The following VWF variants were observed in gnomAD, a reference collection of about 807,000 sequenced individuals.
VWF encodes the protein von Willebrand factor.
Under a neutral mutation model 308.6 loss-of-function variants are expected in VWF, and 176 were observed. That is an observed-to-expected ratio of 0.57 (90% CI 0.50 to 0.65). The LOEUF (loss-of-function observed/expected upper bound fraction) is 0.65, where lower values mean the gene tolerates loss of function less well. Ranked by LOEUF, VWF falls within the 30% of genes least tolerant of loss-of-function variation. The pLI is 0.00. For synonymous variants in VWF, 1,385 were observed against 1,443.4 expected (o/e 0.96, Z 0.92); for missense variants, 3,146 against 3,648.2 (o/e 0.86, Z 3.55).
intron 3 of VWF, among the ~76,000 whole-genome samples, chr12:6,117,671 A>C (rs1006025358): frequency 5.3e-5 from 8 of 152,108 alleles, no homozygotes; most frequent in Non-Finnish European, 8.8e-5. Context: ...CAAAATTAGC[A>C]GGGTGTGGTG....
rs552464208 is a variant in VWF at position 6,016,810 on chromosome 12, G to A, written c.5114C>T (p.Ser1705Phe). The change falls in exon 29 of 52, where the codon TCT (serine) becomes TTT (phenylalanine). Residue 1705 changes from serine (S) to phenylalanine (F), a missense_variant. Physicochemically the swap from Ser to Phe is radical, Grantham distance 155. Around this residue, in one of 3 missense-constraint regions of VWF, gnomAD observed 853 missense variants for 1,177.8 expected, o/e 0.72. Transcript: ENST00000261405. The part of the protein sequence containing the change: ...LLDGSSSFPA[S>F]YFDEMKSFAK... ...GAAACTCTTCATTTCATCAAAATAA[G>A]AAGCTGGGAAACTGGAGGAGCCATC... is the stretch of plus-strand genomic sequence containing the variant. 1 of 1,614,110 alleles carries A rather than the reference G, an allele frequency of 6.2e-7. No homozygotes were observed. Among genetic ancestry groups the A allele is most frequent in the South Asian group, 1.1e-5 (1 of 91,086 alleles).
chr12:6,036,309 G>A (rs1398485019), intron 19 of VWF, 79 bp downstream of exon 19: 32 of 1,307,204 alleles, frequency 2.4e-5, no homozygotes, highest in South Asian at 1.5e-4. Context: ...AGGCAAGTGC[G>A]GAAGGTCCTG....
Position 6,095,198 on chromosome 12 carries a change from A to T in VWF, c.657+262T>A, listed in dbSNP as rs142669924. 1.2e-5 allele frequency: 6 copies of T among 490,896 alleles called. No homozygotes were observed. The East Asian group carries it at 2.5e-4, about 20-fold the overall frequency. The allele number at this position is 490,896 out of a possible 1,614,324, so 30.4% of individuals were successfully genotyped here. ...CTATAAAAGATAATTTATGTTCCTT[A>T]AAATTACCCAGTCTCAGGCATTTGT... On this transcript the variant is annotated intron_variant, in intron 6 of 51. Coordinates refer to ENST00000261405, the MANE Select transcript of VWF (RefSeq NM_000552.5).
intron 45 of VWF, among the ~76,000 whole-genome samples, chr12:5,968,986 C>G (rs548783196): frequency 6.6e-6 from 1 of 152,304 alleles, no homozygotes; most frequent in South Asian, 2.1e-4. Flanking sequence ...ATCAGAGAAG[C>G]CTAGGGCCGA....
At chr12:6,026,999 C>T (rs1944200955) in intron 22 of VWF, among the ~76,000 whole-genome samples, 1 of 148,366 alleles carries the variant, frequency 6.7e-6, no homozygotes, top group Admixed American at 6.7e-5. Context: ...TACTTAGAGC[C>T]CTGATGTTGA....
chr12:5,964,282 A>ACATACATG (rs1269684878), intron 47 of VWF, among the ~76,000 whole-genome samples: 34 of 143,362 alleles, frequency 2.4e-4, no homozygotes, highest in African/African-American at 1.0e-3. Flanking sequence ...ATGCATACAT[A>ACATACATG]CATGCATACA....
At chr12:6,056,191 T>C (rs1431863226) in intron 15 of VWF, among the ~76,000 whole-genome samples, 1 of 147,520 alleles carries the variant, frequency 6.8e-6, no homozygotes, top group Non-Finnish European at 1.5e-5. Context: ...TCTGTGACTC[T>C]AACAGTAAGT....
chr12:5,967,432 TGGGTCCCACACGC>T lies in VWF; in HGVS notation c.7887+41_7887+53del, dbSNP rs1943415764. On this transcript the variant is annotated intron_variant, in intron 47 of 51. Coordinates refer to ENST00000261405, the MANE Select transcript of VWF (RefSeq NM_000552.5). ...AAGACCGCAGTGAGGTCCCACTGCC[TGGGTCCCACACGC>T]GTCCAGTCCATGCCCTCGGTCCCCA... is the stretch of plus-strand genomic sequence containing the variant. 116 of 1,475,464 alleles carry T rather than the reference TGGGTCCCACACGC, an allele frequency of 7.9e-5. 1 individual carries two copies. The South Asian group carries it at 1.3e-3, about 16-fold the overall frequency. 91.4% of individuals were successfully genotyped at this position (1,475,464 alleles called of 1,614,324 possible). A position where few individuals can be genotyped will look rare whatever the true frequency, so the allele number is the denominator to read the frequency against.
chr12:5,957,041 A>AT (rs1163634160), intron 47 of VWF, among the ~76,000 whole-genome samples: 3 of 151,990 alleles, frequency 2.0e-5, no homozygotes, highest in Non-Finnish European at 4.4e-5. Context: ...TCCTTTATAT[A>AT]TTTTTTACTG....
chr12:6,123,443 A>G (rs910813944), intron 1 of VWF, among the ~76,000 whole-genome samples: 1 of 152,180 alleles, frequency 6.6e-6, no homozygotes, highest in Non-Finnish European at 1.5e-5. Flanking sequence ...CACAGACAGC[A>G]GTCCCAGGCC....
chr12:6,002,649 A>G (rs1035862467), intron 34 of VWF, among the ~76,000 whole-genome samples: 1 of 152,092 alleles, frequency 6.6e-6, no homozygotes, highest in Non-Finnish European at 1.5e-5. Context: ...AGAGTAAGTT[A>G]GTAGGAATTA....
intron 38 of VWF, among the ~76,000 whole-genome samples, chr12:5,986,641 C>T (rs541011): frequency 0.83 from 126,630 of 151,750 alleles, 53,334 homozygotes; most frequent in East Asian, 0.92. Flanking sequence ...TCAGGATTAA[C>T]CCCTCTGGTC....
At chr12:5,966,567 C>T (rs1304181553) in intron 47 of VWF, among the ~76,000 whole-genome samples, 2 of 152,126 alleles carry the variant, frequency 1.3e-5, no homozygotes, top group South Asian at 2.1e-4. Flanking sequence ...CAGTGTAAAA[C>T]GCACCTGCAC....
In VWF at chr12:5,985,679, G is replaced by A. The variant is rs177702; in HGVS notation, c.6799-14C>T. The A allele has an allele frequency of 0.79, 1,267,681 of 1,612,346 alleles. 500,481 individuals are homozygous for A. The highest frequency in any genetic ancestry group is 0.85 in the Admixed American group (51,176 of 59,992). On this transcript the variant is annotated splice_polypyrimidine_tract_variant and intron_variant, in intron 38 of 51. Coordinates refer to ENST00000261405, the MANE Select transcript of VWF (RefSeq NM_000552.5). ...GGCTTCCAGGAACTGAGGGCAAAGC[G>A]AGGTTCAGAAAGGGCACAGGACATT... is the stretch of plus-strand genomic sequence containing the variant.
At position 5,992,022 on chromosome 12, in the gene VWF, T is replaced by TA. The variant is rs768221292; in HGVS notation, c.6599-5dup. On this transcript the variant is annotated splice_polypyrimidine_tract_variant and splice_region_variant and intron_variant, in intron 37 of 51. Coordinates refer to ENST00000261405, the MANE Select transcript of VWF (RefSeq NM_000552.5). The stretch of plus-strand genomic sequence containing the variant: ...AGAGATGGTGGGCATGACATAGCTG[T>TA]AGACAGAGAAGGAGGTCACTTGCAA... 5 of 1,613,830 alleles carry TA rather than the reference T, an allele frequency of 3.1e-6. No homozygotes were observed. The highest frequency in any genetic ancestry group is 3.4e-6 in the Non-Finnish European group (4 of 1,179,952).
At chr12:6,010,659 T>C (rs1943983596) in intron 34 of VWF, among the ~76,000 whole-genome samples, 1 of 152,220 alleles carries the variant, frequency 6.6e-6, no homozygotes, top group Non-Finnish European at 1.5e-5. Flanking sequence ...TGGTACACAG[T>C]GAAGTATTAG....
intron 3 of VWF, among the ~76,000 whole-genome samples, chr12:6,120,148 T>C (rs1160897606): frequency 1.3e-5 from 2 of 152,166 alleles, no homozygotes; most frequent in African/African-American, 2.4e-5. Context: ...CGCTGACTGA[T>C]GGAGCAATGA....
At position 6,029,470 on chromosome 12, in the gene VWF, TG is replaced by T; in HGVS notation, c.2838del (p.Met947Ter). On this transcript the variant is annotated frameshift_variant, in exon 22 of 52. Coordinates refer to ENST00000261405, the MANE Select transcript of VWF (RefSeq NM_000552.5). LOFTEE classifies it high-confidence loss of function. ...LFDGEVNVKR[P>X]MKDETHFEVV... is the part of the protein sequence containing the mutation. Reference sequence around the variant, plus strand: ...ACCTCAAAGTGAGTCTCATCCTTCATGGGCCTCTTCACATTCACCTGGAGGA... The same window carrying T: ...ACCTCAAAGTGAGTCTCATCCTTCATGGCCTCTTCACATTCACCTGGAGGA... The T allele has an allele frequency of 6.2e-7, 1 of 1,614,100 alleles. No homozygotes were observed. The highest frequency in any genetic ancestry group is 2.2e-5 in the East Asian group (1 of 44,870).
At chr12:5,954,237 T>C (rs924894296) in intron 47 of VWF, among the ~76,000 whole-genome samples, 13 of 152,208 alleles carry the variant, frequency 8.5e-5, no homozygotes, top group African/African-American at 3.1e-4. Flanking sequence ...AGAATGACCT[T>C]CTTAAAGCCT....
Sources: allele counts gnomAD v4.1 joint callset (sites outside exome capture counted in the v4.1 genomes callset), GRCh38; gene constraint gnomAD v4.1.1; regional missense constraint gnomAD v4.1.1; transcripts MANE v1.5; gene names NCBI Gene and HGNC (gene_info 2026-07-23, HGNC 2026-07-21).